Variants in CNOT7 observed in about 807,000 individuals in gnomAD.
CNOT7 encodes the protein CCR4-NOT transcription complex subunit 7.
In CNOT7, 4 loss-of-function variants were observed where a neutral mutation model predicts 37.1. That is an observed-to-expected ratio of 0.11 (90% CI 0.05 to 0.25). The LOEUF is 0.25. CNOT7 is among the 10% of genes least tolerant of loss of function. CNOT7 has a pLI of 1.00. For missense variants in CNOT7, 170 were observed against 336.2 expected (o/e 0.51, Z 3.87); for synonymous variants, 128 against 115.6 (o/e 1.11, Z -0.69).
intron 6 of CNOT7, among the ~76,000 whole-genome samples, chr8:17,231,242 C>T (rs1808564405): frequency 1.3e-5 from 2 of 152,176 alleles, no homozygotes; most frequent in Middle Eastern, 3.4e-3. Flanking sequence ...GCTGAGCTGG[C>T]TATAAATGAT....
At chr8:17,240,714 G>A (rs976576135) in intron 3 of CNOT7, among the ~76,000 whole-genome samples, 1 of 152,078 alleles carries the variant, frequency 6.6e-6, no homozygotes, top group Non-Finnish European at 1.5e-5. Flanking sequence ...AAGTTAACAT[G>A]GAACAAATGA....
At chr8:17,244,973 G>A (rs1810705447) in intron 2 of CNOT7, 63 bp downstream of exon 2, 2 of 1,325,952 alleles carry the variant, frequency 1.5e-6, no homozygotes, top group Admixed American at 2.1e-5. Context: ...TTGAATTCAA[G>A]ACTTTAAAAT....
chr8:17,233,498 A>G (rs1349830155), intron 5 of CNOT7, among the ~76,000 whole-genome samples: 1 of 152,230 alleles, frequency 6.6e-6, no homozygotes, highest in Non-Finnish European at 1.5e-5. Context: ...CTCAGGACAC[A>G]TTCAGAATAT....
chr8:17,241,515 T>C (rs1810162025), intron 3 of CNOT7: 1 of 152,212 alleles, frequency 6.6e-6, no homozygotes, highest in South Asian at 2.1e-4. Context: ...ATACTAAATA[T>C]CTTTGTTTAT....
In CNOT7 at chr8:17,232,485, T is replaced by G; in HGVS notation, c.671A>C (p.Gln224Pro). Reference sequence around the variant, plus strand: ...CAATGAATCAGATCCTGCCTGATGTTGTGGTCCTATCCGTTCCAGCTCTAA... The same window carrying G: ...CAATGAATCAGATCCTGCCTGATGTGGTGGTCCTATCCGTTCCAGCTCTAA... ...EQLELERIGP[Q>P]HQAGSDSLLT... The change falls in exon 6 of 7, where the codon CAA becomes CCA. Residue 224 changes from glutamine (Q) to proline (P), a missense_variant. By Grantham distance (76) the Gln-to-Pro change is moderately conservative (BLOSUM62 -1). Coordinates refer to ENST00000361272, the MANE Select transcript of CNOT7 (RefSeq NM_013354.7). 6.2e-7 allele frequency: 1 copy of G among 1,614,136 alleles called. No homozygotes were observed. Among genetic ancestry groups the G allele is most frequent in the Non-Finnish European group, 8.5e-7 (1 of 1,179,998 alleles).
At position 17,245,247 on chromosome 8, in the gene CNOT7, C is replaced by G; in HGVS notation, c.-95G>C. ...AAATATTTTATCCTTTATTTATGTA[C>G]CTGTCAAAATAAAAAAACAATATGA... On this transcript the variant is annotated splice_region_variant and 5_prime_UTR_variant, in exon 2 of 7. Coordinates refer to ENST00000361272, the MANE Select transcript of CNOT7 (RefSeq NM_013354.7). The G allele has an allele frequency of 7.7e-7, 1 of 1,296,214 alleles. No individual in the cohort carries two copies. Among genetic ancestry groups the G allele is most frequent in the Non-Finnish European group, 1.0e-6 (1 of 980,920 alleles). The allele number at this position is 1,296,214 out of a possible 1,614,324, so 80.3% of individuals were successfully genotyped here.
At chr8:17,239,597 T>C (rs986657117) in intron 3 of CNOT7, among the ~76,000 whole-genome samples, 5 of 152,162 alleles carry the variant, frequency 3.3e-5, no homozygotes, top group Non-Finnish European at 7.4e-5. Context: ...GTTCACGCCA[T>C]TCTCCCGCCT....
At position 17,229,068 on chromosome 8, in the gene CNOT7, A is replaced by G. The variant is rs1332000898; in HGVS notation, c.*1652T>C. ...TCATAAAGAACAAGAATAAGCCAAC[A>G]CTTGAAATGCAGAAAACTCAGACTG... On this transcript the variant is annotated 3_prime_UTR_variant, in exon 7 of 7. Coordinates refer to ENST00000361272, the MANE Select transcript of CNOT7 (RefSeq NM_013354.7). The G allele has an allele frequency of 1.3e-5, 2 of 151,974 alleles. No individual in the cohort carries two copies. The highest frequency in any genetic ancestry group is 2.9e-5 in the Non-Finnish European group (2 of 67,858). 9.4% of individuals were successfully genotyped at this position (151,974 alleles called of 1,614,324 possible).
rs1283896742 is a variant in CNOT7, at chr8:17,229,118, T to C, written c.*1602A>G. 1 of 151,896 alleles carries C rather than the reference T, an allele frequency of 6.6e-6. No homozygotes were observed. The highest frequency in any genetic ancestry group is 1.5e-5 in the Non-Finnish European group (1 of 67,814). 9.4% of individuals were successfully genotyped at this position (151,896 alleles called of 1,614,324 possible). A position where few individuals can be genotyped will look rare whatever the true frequency, so the allele number is the denominator to read the frequency against. ...GATTTTTCAATTAATGGACTAATAA[T>C]CATCTAGGGTTAATGAAGGAAGTTA... On this transcript the variant is annotated 3_prime_UTR_variant, in exon 7 of 7. Transcript: ENST00000361272.
At position 17,227,279 on chromosome 8, in the gene CNOT7, A is replaced by C. The variant is rs1808222932; in HGVS notation, c.*3441T>G. 1 of 151,872 alleles carries C rather than the reference A, an allele frequency of 6.6e-6. No homozygotes were observed. Among genetic ancestry groups the C allele is most frequent in the Admixed American group, 6.6e-5 (1 of 15,208 alleles). 9.4% of individuals were successfully genotyped at this position (151,872 alleles called of 1,614,324 possible). A position where few individuals can be genotyped will look rare whatever the true frequency, so the allele number is the denominator to read the frequency against. On this transcript the variant is annotated 3_prime_UTR_variant, in exon 7 of 7. Transcript: ENST00000361272. Reference sequence around the variant, plus strand: ...CCACTTCAGGTTGTACTGTTTATCAACTTTTTTGAAAATATTCCCACTTGT... The same window carrying C: ...CCACTTCAGGTTGTACTGTTTATCACCTTTTTTGAAAATATTCCCACTTGT...
chr8:17,240,601 C>T (rs1349033014), intron 3 of CNOT7, among the ~76,000 whole-genome samples: 1 of 152,148 alleles, frequency 6.6e-6, no homozygotes, highest in African/African-American at 2.4e-5. Context: ...AGGAAACTGT[C>T]AATTTTATCC....
In CNOT7 at chr8:17,243,498, A is replaced by C. The variant is rs1450246881; in HGVS notation, c.118-313T>G. 5.9e-6 allele frequency: 3 copies of C among 509,076 alleles called. No individual in the cohort carries two copies. In the Admixed American group the frequency reaches 6.8e-5, roughly 12 times the overall value. 31.5% of individuals were successfully genotyped at this position (509,076 alleles called of 1,614,324 possible). On this transcript the variant is annotated intron_variant, in intron 2 of 6. Coordinates refer to ENST00000361272, the MANE Select transcript of CNOT7 (RefSeq NM_013354.7). Reference sequence around the variant, plus strand: ...ATTCCTGTCTCCCAAAGGATACATGAAATGATGCTCACAGTATTCCAATGC... The same window carrying C: ...ATTCCTGTCTCCCAAAGGATACATGCAATGATGCTCACAGTATTCCAATGC...
At chr8:17,237,755 G>A (rs1809575131) in intron 3 of CNOT7, among the ~76,000 whole-genome samples, 1 of 152,218 alleles carries the variant, frequency 6.6e-6, no homozygotes, top group Non-Finnish European at 1.5e-5. Context: ...CCACTGTAAT[G>A]CTCCCAGATG....
intron 6 of CNOT7, chr8:17,231,896 C>A (rs141987408): frequency 1.0e-6 from 1 of 985,962 alleles, no homozygotes; most frequent in Non-Finnish European, 1.2e-6. Context: ...CGGAATTCAA[C>A]CCCCCTTTTA....
In CNOT7 at chr8:17,230,530, GTT is replaced by G; in HGVS notation, c.*188_*189del. ...TTAAGGCCAAATTTAACCTGAATGCGTTTTTTTTTTTCTTTTTATTAAGATCT... is the reference window on the plus strand; with the variant it reads ...TTAAGGCCAAATTTAACCTGAATGCGTTTTTTTTTCTTTTTATTAAGATCT... On this transcript the variant is annotated 3_prime_UTR_variant, in exon 7 of 7. Transcript: ENST00000361272. 3 of 330,214 alleles carry G rather than the reference GTT, an allele frequency of 9.1e-6. No homozygotes were observed. Among genetic ancestry groups the G allele is most frequent in the Non-Finnish European group, 1.6e-5 (3 of 184,194 alleles). The allele number at this position is 330,214 out of a possible 1,614,324, so 20.5% of individuals were successfully genotyped here. A position where few individuals can be genotyped will look rare whatever the true frequency, so the allele number is the denominator to read the frequency against.
At chr8:17,234,504 TC>T in intron 5 of CNOT7, 1 of 519,322 alleles carries the variant, frequency 1.9e-6, no homozygotes, top group East Asian at 3.4e-5. Flanking sequence ...TGTTGAAAAT[TC>T]TGCCTTCTGC....
Position 17,228,853 on chromosome 8 carries a change from G to C in CNOT7, c.*1867C>G, listed in dbSNP as rs1019440109. On this transcript the variant is annotated 3_prime_UTR_variant, in exon 7 of 7. Coordinates refer to ENST00000361272, the MANE Select transcript of CNOT7 (RefSeq NM_013354.7). The stretch of plus-strand genomic sequence containing the variant: ...TTTTCTCAGCTAACAAATCACAAGC[G>C]AAAAGAAGCTTCACTTCCTTTTTAA... The C allele has an allele frequency of 2.6e-5, 4 of 151,998 alleles. No homozygotes were observed. In the South Asian group the frequency reaches 6.2e-4, roughly 24 times the overall value. 9.4% of individuals were successfully genotyped at this position (151,998 alleles called of 1,614,324 possible). A position where few individuals can be genotyped will look rare whatever the true frequency, so the allele number is the denominator to read the frequency against.
In CNOT7 at chr8:17,230,087, C is replaced by G. The variant is rs758126733; in HGVS notation, c.*633G>C. On this transcript the variant is annotated 3_prime_UTR_variant, in exon 7 of 7. Coordinates refer to ENST00000361272, the MANE Select transcript of CNOT7 (RefSeq NM_013354.7). Reference sequence around the variant, plus strand: ...GATGTGCTTGGAAGATTAAACACTACGTACAGAAACAGCAGTTACTAAGCT... The same window carrying G: ...GATGTGCTTGGAAGATTAAACACTAGGTACAGAAACAGCAGTTACTAAGCT... 6.6e-6 allele frequency: 1 copy of G among 152,444 alleles called. No individual in the cohort carries two copies. Among genetic ancestry groups the G allele is most frequent in the African/African-American group, 2.4e-5 (1 of 41,422 alleles). 9.4% of individuals were successfully genotyped at this position (152,444 alleles called of 1,614,324 possible). A position where few individuals can be genotyped will look rare whatever the true frequency, so the allele number is the denominator to read the frequency against.
chr8:17,225,392 A>C lies in CNOT7; in HGVS notation c.*5328T>G, dbSNP rs1161449577. The C allele has an allele frequency of 1.3e-5, 2 of 151,876 alleles. No homozygotes were observed. The highest frequency in any genetic ancestry group is 4.1e-4 in the South Asian group (2 of 4,830). The allele number at this position is 151,876 out of a possible 1,614,324, so 9.4% of individuals were successfully genotyped here. A position where few individuals can be genotyped will look rare whatever the true frequency, so the allele number is the denominator to read the frequency against. ...ATTCCTCCATACCAGGAAGGAGAGTATTGACCAGTTTATCTTTAAAAAGAA... is the reference window on the plus strand; with the variant it reads ...ATTCCTCCATACCAGGAAGGAGAGTCTTGACCAGTTTATCTTTAAAAAGAA... On this transcript the variant is annotated 3_prime_UTR_variant, in exon 7 of 7. Coordinates refer to ENST00000361272, the MANE Select transcript of CNOT7 (RefSeq NM_013354.7).
Sources: allele counts gnomAD v4.1 joint callset (sites outside exome capture counted in the v4.1 genomes callset), GRCh38; gene constraint gnomAD v4.1.1; transcripts MANE v1.5; gene names NCBI Gene and HGNC (gene_info 2026-07-23, HGNC 2026-07-21).